Variants in ADCY2 observed in about 807,000 individuals in gnomAD.
ADCY2 encodes the protein adenylate cyclase type 2.
A neutral mutation model predicts 125.2 loss-of-function variants in ADCY2; 31 were observed. The ratio of observed to expected loss-of-function variants is 0.25; its 90% CI spans 0.19 to 0.33. ADCY2 has a LOEUF of 0.33. Ranked by LOEUF, ADCY2 falls within the 10% of genes least tolerant of loss-of-function variation. The pLI is 1.00. For synonymous variants in ADCY2, 512 were observed against 548.4 expected (o/e 0.93, Z 0.93); for missense variants, 904 against 1,418.2 (o/e 0.64, Z 5.82).
At chr5:7,677,128 G>A (rs147673952) in intron 4 of ADCY2, among the ~76,000 whole-genome samples, 156 of 152,026 alleles carry the variant, frequency 1.0e-3, no homozygotes, top group African/African-American at 3.5e-3. Flanking sequence ...AATACAAAAA[G>A]TTAGCAGGAC....
intron 2 of ADCY2, among the ~76,000 whole-genome samples, chr5:7,475,512 T>G (rs1050503882): frequency 2.0e-5 from 3 of 151,922 alleles, no homozygotes; most frequent in African/African-American, 7.3e-5. Flanking sequence ...CTCCCAAGTA[T>G]CTGGGATTAC....
chr5:7,762,008 A>G (rs181259080), intron 16 of ADCY2, among the ~76,000 whole-genome samples: 1 of 152,200 alleles, frequency 6.6e-6, no homozygotes, highest in Non-Finnish European at 1.5e-5. Context: ...ACTTTTTAAT[A>G]CTTTTAATGT....
At chr5:7,651,269 A>G (rs1739079132) in intron 4 of ADCY2, among the ~76,000 whole-genome samples, 1 of 152,178 alleles carries the variant, frequency 6.6e-6, no homozygotes, top group South Asian at 2.1e-4. Context: ...CTCTAGAAGG[A>G]CAGAACTAAT....
chr5:7,547,479 C>T (rs965906401), intron 3 of ADCY2, among the ~76,000 whole-genome samples: 3 of 152,158 alleles, frequency 2.0e-5, no homozygotes, highest in African/African-American at 4.8e-5. Context: ...TGAGGACACA[C>T]GCTGGCAGAT....
At chr5:7,710,601 C>T (rs780346128) in intron 10 of ADCY2, among the ~76,000 whole-genome samples, 15 of 151,946 alleles carry the variant, frequency 9.9e-5, no homozygotes, top group Non-Finnish European at 1.9e-4. Context: ...GTGTGGTGTC[C>T]CCTGGAGACA....
At chr5:7,456,625 A>G (rs10474814) in intron 2 of ADCY2, among the ~76,000 whole-genome samples, 2,305 of 152,272 alleles carry the variant, frequency 0.015, 59 homozygotes, top group African/African-American at 0.052. Context: ...TATTCTTGCT[A>G]TAATATTTAA....
intron 15 of ADCY2, among the ~76,000 whole-genome samples, chr5:7,754,036 AAC>A (rs1324646506): frequency 1.3e-5 from 2 of 152,158 alleles, no homozygotes; most frequent in African/African-American, 2.4e-5. Flanking sequence ...TGAATAATTG[AAC>A]CAAGCGCATC....
chr5:7,673,046 T>A (rs1365691504), intron 4 of ADCY2, among the ~76,000 whole-genome samples: 2 of 151,736 alleles, frequency 1.3e-5, no homozygotes, highest in South Asian at 4.2e-4. Flanking sequence ...TCAGGAGTAC[T>A]ATATCATGTA....
At chr5:7,742,398 G>A (rs1285397892) in intron 14 of ADCY2, among the ~76,000 whole-genome samples, 1 of 152,136 alleles carries the variant, frequency 6.6e-6, no homozygotes, top group Non-Finnish European at 1.5e-5. Context: ...CCCTCCCGCA[G>A]AGTCTTATCA....
chr5:7,811,552 A>AT (rs913265006), intron 22 of ADCY2, among the ~76,000 whole-genome samples: 5 of 151,830 alleles, frequency 3.3e-5, no homozygotes, highest in African/African-American at 7.3e-5. Flanking sequence ...CAATTATGTT[A>AT]TTTTTTAAAA....
intron 2 of ADCY2, among the ~76,000 whole-genome samples, chr5:7,435,741 C>A (rs747936695): frequency 3.3e-5 from 5 of 152,194 alleles, no homozygotes; most frequent in East Asian, 1.9e-4. Context: ...AATAGTAGGA[C>A]CAAACAGGGC....
At chr5:7,660,276 G>GAAGA (rs1221501439) in intron 4 of ADCY2, among the ~76,000 whole-genome samples, 2 of 151,238 alleles carry the variant, frequency 1.3e-5, no homozygotes, top group African/African-American at 4.9e-5. Context: ...AGGAAGGAAG[G>GAAGA]AAGGAAGGAA....
chr5:7,530,194 C>G (rs536840159), intron 3 of ADCY2, among the ~76,000 whole-genome samples: 1 of 152,322 alleles, frequency 6.6e-6, no homozygotes, highest in South Asian at 2.1e-4. Flanking sequence ...TCAAGCTAAT[C>G]TGGTGCTTAG....
At position 7,757,569 on chromosome 5, in the gene ADCY2, A is replaced by C; in HGVS notation, c.2077A>C (p.Met693Leu). 6.2e-7 allele frequency: 1 copy of C among 1,611,106 alleles called. No homozygotes were observed. The highest frequency in any genetic ancestry group is 1.7e-5 in the Admixed American group (1 of 59,940). The change falls in exon 16 of 25, where the codon ATG becomes CTG. Residue 693 changes from methionine to leucine, a missense_variant. This residue lies in a region of ADCY2 where 221 missense variants were observed against 246.2 expected (regional missense o/e 0.90). Transcript: ENST00000338316. Reference sequence around the variant, plus strand: ...CATCACCACAGCCATCATATTAATGATGGCCGTGTTCAACATGGTAAGTCC... The same window carrying C: ...CATCACCACAGCCATCATATTAATGCTGGCCGTGTTCAACATGGTAAGTCC... ...TIITTAIILM[M>L]AVFNMFFLSD...
In ADCY2 at chr5:7,816,849, T is replaced by C; in HGVS notation, c.2884-17T>C. 1 of 1,603,440 alleles carries C rather than the reference T, an allele frequency of 6.2e-7. No individual in the cohort carries two copies. The highest frequency in any genetic ancestry group is 1.1e-5 in the South Asian group (1 of 90,822). On this transcript the variant is annotated splice_polypyrimidine_tract_variant and intron_variant, in intron 22 of 24. Transcript: ENST00000338316. ...TGATGCTCTAACTTCCATCTGCCTGTGTGTGTTTGTTCTCAGGAGCCCGAG... is the reference window on the plus strand; with the variant it reads ...TGATGCTCTAACTTCCATCTGCCTGCGTGTGTTTGTTCTCAGGAGCCCGAG...
rs1480460006 is a variant in ADCY2, at chr5:7,671,162, A to G, written c.721-19529A>G. ...ATGTGTATTTTAAATCCAGTCTTGCATCTTCTTTATTTGTATAACAAGCAT... is the reference window on the plus strand; with the variant it reads ...ATGTGTATTTTAAATCCAGTCTTGCGTCTTCTTTATTTGTATAACAAGCAT... On this transcript the variant is annotated intron_variant, in intron 4 of 24. Coordinates refer to ENST00000338316, the MANE Select transcript of ADCY2 (RefSeq NM_020546.3). Among the ~76,000 whole-genome samples, 6 of 152,342 alleles carry G rather than the reference A, an allele frequency of 3.9e-5. No homozygotes were observed. In the East Asian group the frequency reaches 1.2e-3, roughly 29 times the overall value.
At chr5:7,815,634 T>C (rs1162691981) in intron 22 of ADCY2, among the ~76,000 whole-genome samples, 3 of 152,210 alleles carry the variant, frequency 2.0e-5, no homozygotes, top group Non-Finnish European at 4.4e-5. Flanking sequence ...TCATGTTAAA[T>C]ATAAACAGGT....
rs563118445 is a variant in ADCY2, at chr5:7,561,113, A to G, written c.570+40214A>G. On this transcript the variant is annotated intron_variant, in intron 3 of 24. Coordinates refer to ENST00000338316, the MANE Select transcript of ADCY2 (RefSeq NM_020546.3). ...ATGATTAAGCATGACCTGAAGACAC[A>G]TGCTTGCATGCTTGGGCTCCTTCTG... Among the ~76,000 whole-genome samples, 171 of 152,372 alleles carry G rather than the reference A, an allele frequency of 1.1e-3. 1 individual carries two copies. Among genetic ancestry groups the G allele is most frequent in the African/African-American group, 4.1e-3 (169 of 41,586 alleles).
At chr5:7,826,245 A>T (rs1378968645) in intron 24 of ADCY2, among the ~76,000 whole-genome samples, 1 of 152,174 alleles carries the variant, frequency 6.6e-6, no homozygotes, top group East Asian at 1.9e-4. Flanking sequence ...ACTGACATCT[A>T]TGATTAATGT....
Sources: gnomAD v4.1 joint callset for allele counts (sites outside exome capture counted in the v4.1 genomes callset) on GRCh38, gnomAD v4.1.1 for gene constraint, gnomAD v4.1.1 regional missense constraint, MANE v1.5 for transcripts, NCBI Gene and HGNC (gene_info 2026-07-23, HGNC 2026-07-21) for gene names.